ATG7: variants seen among roughly 807,000 people sequenced by gnomAD.
ATG7 encodes autophagy related 7.
Under a neutral mutation model 82.4 loss-of-function variants are expected in ATG7, and 70 were observed. The ratio of observed to expected loss-of-function variants is 0.85; its 90% CI spans 0.70 to 1.04. The LOEUF (loss-of-function observed/expected upper bound fraction) is 1.04, where lower values mean the gene tolerates loss of function less well. ATG7 is among the 50% of genes least tolerant of loss of function. The pLI is 0.00. For synonymous variants in ATG7, 287 were observed against 313.0 expected (o/e 0.92, Z 0.88); for missense variants, 792 against 864.3 (o/e 0.92, Z 1.05).
At chr3:11,558,454 TC>T, downstream of ATG7, 1 of 1,064,144 alleles carries the variant, frequency 9.4e-7, no homozygotes, top group Non-Finnish European at 1.3e-6. Flanking sequence ...TCCCTTCCCT[TC>T]CCCCCACCCC....
chr3:11,505,311 G>A (rs1408154195), intron 20 of ATG7, among the ~76,000 whole-genome samples: 3 of 152,166 alleles, frequency 2.0e-5, no homozygotes, highest in Admixed American at 1.3e-4. Flanking sequence ...GAAGACTAGC[G>A]GTAAGCCAGG....
At chr3:11,341,639 G>C (rs1471603324) in intron 12 of ATG7, among the ~76,000 whole-genome samples, 2 of 151,770 alleles carry the variant, frequency 1.3e-5, no homozygotes, top group South Asian at 2.1e-4. Flanking sequence ...GTAGAGAGAG[G>C]GTTTTACCAT....
chr3:11,519,452 C>G (rs116656478), intron 20 of ATG7, among the ~76,000 whole-genome samples: 1,894 of 144,618 alleles, frequency 0.013, 44 homozygotes, highest in African/African-American at 0.045. Flanking sequence ...CTCTTTCTTT[C>G]TCAGTGCGGA....
At chr3:11,546,325 C>T (rs2071289783) in intron 20 of ATG7, among the ~76,000 whole-genome samples, 2 of 152,022 alleles carry the variant, frequency 1.3e-5, no homozygotes, top group Non-Finnish European at 2.9e-5. Flanking sequence ...GCACATGCCA[C>T]CATGCCCAGC....
At chr3:11,492,766 G>A (rs891855642) in intron 20 of ATG7, among the ~76,000 whole-genome samples, 13 of 152,164 alleles carry the variant, frequency 8.5e-5, no homozygotes, top group Admixed American at 2.6e-4. Flanking sequence ...CAGGCCCATC[G>A]CACTCCACCC....
At chr3:11,510,967 G>C (rs1251031614) in intron 20 of ATG7, among the ~76,000 whole-genome samples, 1 of 151,968 alleles carries the variant, frequency 6.6e-6, no homozygotes, top group Non-Finnish European at 1.5e-5. Flanking sequence ...AAGGTGGCGC[G>C]TCTGGAGTCT....
At chr3:11,501,550 G>GTTTC (rs80195697) in intron 20 of ATG7, among the ~76,000 whole-genome samples, 127,427 of 152,090 alleles carry the variant, frequency 0.84, 53,554 homozygotes, top group East Asian at 1. Flanking sequence ...GATATTAATA[G>GTTTC]ATAGGTGTGA....
At chr3:11,393,386 C>A (rs1320396172) in intron 19 of ATG7, among the ~76,000 whole-genome samples, 2 of 147,724 alleles carry the variant, frequency 1.4e-5, no homozygotes, top group African/African-American at 2.5e-5. Context: ...TACTAACTAG[C>A]TACCCATAAG....
the ATG7 span, among the ~76,000 whole-genome samples, chr3:11,569,783 A>C: frequency 1.3e-5 from 2 of 152,170 alleles, no homozygotes; most frequent in Non-Finnish European, 2.9e-5. Context: ...TTGGAGGCTG[A>C]AGTGGGAGGA....
chr3:11,378,077 G>C (rs2077567696), intron 18 of ATG7, among the ~76,000 whole-genome samples: 1 of 126,676 alleles, frequency 7.9e-6, no homozygotes, highest in Admixed American at 9.4e-5. Context: ...ACTCAGGCTG[G>C]ATCTCAGCTC....
intron 20 of ATG7, among the ~76,000 whole-genome samples, chr3:11,427,912 C>T (rs1273370592): frequency 1.3e-5 from 2 of 152,044 alleles, no homozygotes; most frequent in Non-Finnish European, 2.9e-5. Context: ...GATCACTTGG[C>T]AAAATGTGCA....
At chr3:11,297,621 TAATAA>T (rs1300296832) in intron 3 of ATG7, among the ~76,000 whole-genome samples, 4 of 152,054 alleles carry the variant, frequency 2.6e-5, no homozygotes. Flanking sequence ...GGAAATGAAA[TAATAA>T]AATATATATC....
intron 19 of ATG7, among the ~76,000 whole-genome samples, chr3:11,406,249 C>T (rs2080325493): frequency 6.6e-6 from 1 of 152,190 alleles, no homozygotes; most frequent in Non-Finnish European, 1.5e-5. Context: ...CCCAGCCTCT[C>T]AAAGTGCTGG....
At chr3:11,560,100 T>G (rs1253193133), downstream of ATG7, among the ~76,000 whole-genome samples, 1 of 151,976 alleles carries the variant, frequency 6.6e-6, no homozygotes, top group Non-Finnish European at 1.5e-5. Flanking sequence ...CCCTTGTTCC[T>G]TCAAGCCCTG....
At chr3:11,502,016 T>C (rs1307818409) in intron 20 of ATG7, among the ~76,000 whole-genome samples, 1 of 124,770 alleles carries the variant, frequency 8.0e-6, no homozygotes, top group Non-Finnish European at 1.6e-5. Context: ...CCTAAAATGG[T>C]AGTAAACATA....
chr3:11,366,183 C>T (rs900069187), intron 18 of ATG7, among the ~76,000 whole-genome samples: 2 of 144,456 alleles, frequency 1.4e-5, no homozygotes, highest in African/African-American at 2.6e-5. Flanking sequence ...CGCGCCATTG[C>T]ACTGTGGCCT....
chr3:11,388,359 C>T (rs2078477186), intron 19 of ATG7, among the ~76,000 whole-genome samples: 1 of 152,038 alleles, frequency 6.6e-6, no homozygotes, highest in South Asian at 2.1e-4. Context: ...TTAGTTCTCC[C>T]TCTGCTAGCA....
intron 3 of ATG7, 111 bp from the exon 4 acceptor site, chr3:11,298,575 A>G (rs929782071): frequency 6.7e-6 from 7 of 1,050,056 alleles, no homozygotes; most frequent in African/African-American, 3.2e-5. Context: ...TAGCCTGTAA[A>G]CATCTCATTA....
At chr3:11,381,300 AT>A (rs5846707) in intron 19 of ATG7, among the ~76,000 whole-genome samples, 2 of 150,912 alleles carry the variant, frequency 1.3e-5, no homozygotes, top group African/African-American at 2.4e-5. Flanking sequence ...AGTGGAGCAG[AT>A]TTTTTTTTTC....
Sources: allele counts gnomAD v4.1 joint callset (sites outside exome capture counted in the v4.1 genomes callset), GRCh38; gene constraint gnomAD v4.1.1; transcripts MANE v1.5; gene names NCBI Gene and HGNC (gene_info 2026-07-23, HGNC 2026-07-21).